HS6ST2: variants seen among roughly 807,000 people sequenced by gnomAD.
HS6ST2 encodes the protein heparan-sulfate 6-O-sulfotransferase 2.
In HS6ST2, 17 loss-of-function variants were observed where a neutral mutation model predicts 33.0. The observed-to-expected ratio is 0.52, with a 90% confidence interval of 0.35 to 0.77. The LOEUF (loss-of-function observed/expected upper bound fraction) is 0.77. Ranked by LOEUF, HS6ST2 falls within the 30% of genes least tolerant of loss-of-function variation. The pLI is 0.01. For synonymous variants in HS6ST2, 248 were observed against 237.1 expected (o/e 1.05, Z -0.42); for missense variants, 519 against 551.7 (o/e 0.94, Z 0.59).
chrX:132,738,099 A>C (rs1016492632), intron 2 of HS6ST2, among the ~76,000 whole-genome samples: 1 of 112,367 alleles, frequency 8.9e-6, no homozygotes, highest in East Asian at 2.8e-4. Context: ...CTCTCACTGC[A>C]CTTGGAAGAG....
At chrX:132,860,911 G>A (rs780878887) in intron 2 of HS6ST2, among the ~76,000 whole-genome samples, 15 of 103,865 alleles carry the variant, frequency 1.4e-4, no homozygotes, top group Non-Finnish European at 2.3e-4. Flanking sequence ...CCTCAGCCTC[G>A]CAAGTAGCTG....
At chrX:132,630,751 A>C (rs185879577) in intron 4 of HS6ST2, among the ~76,000 whole-genome samples, 50 of 111,266 alleles carry the variant, frequency 4.5e-4, no homozygotes, top group African/African-American at 1.6e-3. Context: ...GTTTGAGACC[A>C]GCCTGGACAA....
rs147695473 is a variant in HS6ST2, at chrX:132,728,472, T to G, written c.948-19978A>C. Among the ~76,000 whole-genome samples the G allele has an allele frequency of 1.3e-4, 14 of 111,467 alleles. No homozygotes were observed. The South Asian group carries it at 1.9e-3, about 15-fold the overall frequency. ...GTGGGAGCCTCCCCTCCTCCACAGC[T>G]CTGAGAGTACTTCTGCGCATGCTCA... On this transcript the variant is annotated intron_variant, in intron 2 of 4. Transcript: ENST00000370833.
intron 2 of HS6ST2, among the ~76,000 whole-genome samples, chrX:132,798,631 G>C (rs1347316313): frequency 8.9e-6 from 1 of 111,913 alleles, no homozygotes; most frequent in Non-Finnish European, 1.9e-5. Context: ...AAAAGGCTCA[G>C]TAAAACTCTA....
Position 132,628,415 on chromosome X carries a change from A to C in HS6ST2, c.1746T>G (p.Asn582Lys), listed in dbSNP as rs1193140911. The C allele has an allele frequency of 8.3e-7, 1 of 1,202,186 alleles. No individual in the cohort carries two copies. The highest frequency in any genetic ancestry group is 1.8e-5 in the African/African-American group (1 of 56,652). Residue 582 changes from asparagine to lysine, a missense_variant, in exon 5 of 5, where the codon AAT (asparagine) becomes AAG (lysine). Transcript: ENST00000370833. ...GATTTGGGTTCTGACTCTGATTCTG[A>C]TTCGGATTCTGGCTCTGGCCCTGAC... Reference protein sequence around the residue: ...SQGQGQSQNPNQNQSQNPNPN... With the variant: ...SQGQGQSQNPKQNQSQNPNPN...
intron 2 of HS6ST2, among the ~76,000 whole-genome samples, chrX:132,784,226 A>G (rs2065040702): frequency 8.9e-6 from 1 of 111,814 alleles, no homozygotes; most frequent in African/African-American, 3.2e-5. Context: ...TTAAAATTAC[A>G]AACGCCCCGA....
At chrX:132,777,402 A>C (rs1272017407) in intron 2 of HS6ST2, among the ~76,000 whole-genome samples, 4 of 99,219 alleles carry the variant, frequency 4.0e-5, no homozygotes, top group Non-Finnish European at 8.0e-5. Context: ...TCTACTTTTA[A>C]TGAAGTTTAA....
intron 4 of HS6ST2, among the ~76,000 whole-genome samples, chrX:132,632,484 G>A (rs1339710722): frequency 1.8e-5 from 2 of 110,453 alleles, no homozygotes; most frequent in Non-Finnish European, 3.8e-5. Flanking sequence ...AGAGAAGCAC[G>A]CTGGGGAATG....
chrX:132,803,212 T>C (rs1368455278), intron 2 of HS6ST2, among the ~76,000 whole-genome samples: 1 of 111,577 alleles, frequency 9.0e-6, no homozygotes, highest in Non-Finnish European at 1.9e-5. Context: ...TTACTTTTCC[T>C]AGTCTCTTCT....
chrX:132,856,403 C>T (rs1402584016), intron 2 of HS6ST2, among the ~76,000 whole-genome samples: 1 of 111,732 alleles, frequency 8.9e-6, no homozygotes, highest in African/African-American at 3.3e-5. Context: ...TTCAGGCATC[C>T]GCCGGGGGTC....
At chrX:132,844,386 A>T in intron 2 of HS6ST2, among the ~76,000 whole-genome samples, 1 of 111,738 alleles carries the variant, frequency 8.9e-6, no homozygotes, top group Non-Finnish European at 1.9e-5. Flanking sequence ...CTTGATCTAC[A>T]GGTACAAATA....
chrX:132,755,223 A>G (rs955836766), intron 2 of HS6ST2, among the ~76,000 whole-genome samples: 4 of 112,455 alleles, frequency 3.6e-5, no homozygotes, highest in Admixed American at 2.8e-4. Context: ...TTATAGTCCA[A>G]TAATACTAGT....
intron 3 of HS6ST2, among the ~76,000 whole-genome samples, chrX:132,695,173 A>T (rs1313484560): frequency 9.0e-6 from 1 of 111,655 alleles, no homozygotes; most frequent in Non-Finnish European, 1.9e-5. Flanking sequence ...GCTTGACTGC[A>T]GCCAGCCTGG....
At chrX:132,692,731 T>C (rs183195564) in intron 3 of HS6ST2, among the ~76,000 whole-genome samples, 1 of 112,182 alleles carries the variant, frequency 8.9e-6, no homozygotes, top group East Asian at 2.8e-4. Flanking sequence ...TAGTCTTCTC[T>C]ACAGCCTCAG....
At chrX:132,637,868 TA>T in intron 4 of HS6ST2, among the ~76,000 whole-genome samples, 1 of 43,132 alleles carries the variant, frequency 2.3e-5, no homozygotes, top group Admixed American at 3.7e-4. Context: ...TATAATATAT[TA>T]TATATAATAT....
At chrX:132,684,056 A>G (rs2063995469) in intron 3 of HS6ST2, among the ~76,000 whole-genome samples, 1 of 109,518 alleles carries the variant, frequency 9.1e-6, no homozygotes, top group African/African-American at 3.3e-5. Context: ...AACGAAGGCA[A>G]TAAACATTAA....
intron 2 of HS6ST2, among the ~76,000 whole-genome samples, chrX:132,830,945 G>A (rs372248463): frequency 8.9e-6 from 1 of 111,904 alleles, no homozygotes; most frequent in East Asian, 2.8e-4. Context: ...TATTGCCCAA[G>A]AGAATGGCTA....
intron 3 of HS6ST2, among the ~76,000 whole-genome samples, chrX:132,704,845 C>T (rs1386787819): frequency 8.9e-6 from 1 of 111,809 alleles, no homozygotes; most frequent in Non-Finnish European, 1.9e-5. Context: ...ATACTTGTGC[C>T]TTGTTTTCAA....
chrX:132,916,230 T>A (rs2066588910), intron 2 of HS6ST2, among the ~76,000 whole-genome samples: 1 of 111,742 alleles, frequency 8.9e-6, no homozygotes, highest in African/African-American at 3.3e-5. Flanking sequence ...GACCTTCTCC[T>A]GTCTGGACCT....
Sources: allele counts gnomAD v4.1 joint callset (sites outside exome capture counted in the v4.1 genomes callset), GRCh38; gene constraint gnomAD v4.1.1; transcripts MANE v1.5; gene names NCBI Gene and HGNC (gene_info 2026-07-23, HGNC 2026-07-21).